The following FAM222A variants were observed in gnomAD, a reference collection of about 807,000 sequenced individuals.
FAM222A encodes the protein family with sequence similarity 222 member A.
Under a neutral mutation model 25.8 loss-of-function variants are expected in FAM222A, and 7 were observed. The ratio of observed to expected loss-of-function variants is 0.27; its 90% CI spans 0.15 to 0.51. The LOEUF (loss-of-function observed/expected upper bound fraction) is 0.51. FAM222A is among the 20% of genes least tolerant of loss of function. The pLI, the probability that FAM222A is intolerant of heterozygous loss-of-function variation, is 0.97. For missense variants in FAM222A, 573 were observed against 640.5 expected, an observed-to-expected ratio of 0.89 and a Z score of 1.14; for synonymous variants, 294 against 298.8, an observed-to-expected ratio of 0.98 and a Z score of 0.17.
intron 1 of FAM222A, among the ~76,000 whole-genome samples, chr12:109,717,506 G>A (rs1004847811): frequency 6.6e-6 from 1 of 152,186 alleles, no homozygotes; most frequent in East Asian, 1.9e-4. Context: ...GGACAAATAG[G>A]AATGTGCCAG....
intron 2 of FAM222A, among the ~76,000 whole-genome samples, chr12:109,757,772 G>A (rs996384687): frequency 8.6e-5 from 13 of 151,968 alleles, no homozygotes; most frequent in African/African-American, 2.7e-4. Flanking sequence ...GGGAGGGGGC[G>A]GGACGGGTAG....
intron 1 of FAM222A, 68 bp from the exon 2 acceptor site, chr12:109,744,033 G>A (rs1169350561): frequency 6.8e-7 from 1 of 1,468,866 alleles, no homozygotes. Context: ...GAGACTCCCG[G>A]GGGGAATGGT....
In FAM222A at chr12:109,770,417, CATTAT is replaced by C. The variant is rs1344900339; in HGVS notation, c.*1133_*1137del. 6.6e-6 allele frequency: 1 copy of C among 152,550 alleles called. No individual in the cohort carries two copies. Among genetic ancestry groups the C allele is most frequent in the African/African-American group, 2.4e-5 (1 of 41,430 alleles). The allele number at this position is 152,550 out of a possible 1,614,324, so 9.4% of individuals were successfully genotyped here. The stretch of plus-strand genomic sequence containing the variant: ...ATGTTTTTTTTATACTAAAATTGAC[CATTAT>C]ATTCTACTGTGAGAAGTGCAGTCTG... On this transcript the variant is annotated 3_prime_UTR_variant, in exon 3 of 3. Coordinates refer to ENST00000538780, the MANE Select transcript of FAM222A (RefSeq NM_032829.3).
intron 1 of FAM222A, among the ~76,000 whole-genome samples, chr12:109,725,906 G>A (rs911476911): frequency 6.6e-6 from 1 of 151,874 alleles, no homozygotes; most frequent in African/African-American, 2.4e-5. Context: ...CCGGGCGCCC[G>A]GATGGTGCGC....
chr12:109,769,631 C>A lies in FAM222A; in HGVS notation c.*343C>A. The A allele has an allele frequency of 3.1e-6, 1 of 319,180 alleles. No homozygotes were observed. The highest frequency in any genetic ancestry group is 4.8e-5 in the South Asian group (1 of 21,012). The allele number at this position is 319,180 out of a possible 1,614,324, so 19.8% of individuals were successfully genotyped here. A position where few individuals can be genotyped will look rare whatever the true frequency, so the allele number is the denominator to read the frequency against. ...CTTTCTGGGCCTCCTGGGACAGGGG[C>A]CCAGGCCAAGGTGGGGTGCAGGAGG... On this transcript the variant is annotated 3_prime_UTR_variant, in exon 3 of 3. Coordinates refer to ENST00000538780, the MANE Select transcript of FAM222A (RefSeq NM_032829.3).
At chr12:109,759,400 TCCCTCTGGCA>T (rs1888825644) in intron 2 of FAM222A, among the ~76,000 whole-genome samples, 1 of 152,018 alleles carries the variant, frequency 6.6e-6, no homozygotes, top group Non-Finnish European at 1.5e-5. Flanking sequence ...TGCTCCATGG[TCCCTCTGGCA>T]CATCCCCAAC....
chr12:109,729,391 C>G (rs1379213456), intron 1 of FAM222A, among the ~76,000 whole-genome samples: 3 of 152,180 alleles, frequency 2.0e-5, no homozygotes, highest in Non-Finnish European at 4.4e-5. Flanking sequence ...CCTTCCCCAT[C>G]CCCGGCCAGC....
At chr12:109,731,591 T>A (rs906764932) in intron 1 of FAM222A, among the ~76,000 whole-genome samples, 2 of 152,094 alleles carry the variant, frequency 1.3e-5, no homozygotes, top group African/African-American at 2.4e-5. Flanking sequence ...TGCCCAGACC[T>A]CCTGCAGGAG....
intron 2 of FAM222A, among the ~76,000 whole-genome samples, chr12:109,751,501 A>T (rs1300590374): frequency 2.0e-5 from 3 of 152,196 alleles, no homozygotes; most frequent in Non-Finnish European, 4.4e-5. Context: ...GGAGGAAATG[A>T]GTTTTTCCCA....
intron 1 of FAM222A, among the ~76,000 whole-genome samples, chr12:109,724,428 G>A (rs1240158502): frequency 6.6e-6 from 1 of 152,230 alleles, no homozygotes. Context: ...GGCTGACCAG[G>A]CCTCACAGAC....
Position 109,744,220 on chromosome 12 carries a change from T to A in FAM222A, c.74T>A (p.Leu25Gln). The change falls in exon 2 of 3, where the codon CTG becomes CAG. Residue 25 changes from leucine to glutamine, a missense_variant. Coordinates refer to ENST00000538780, the MANE Select transcript of FAM222A (RefSeq NM_032829.3). ...HLACPSKSLE[L>Q]RKCEAVASAM... The stretch of plus-strand genomic sequence containing the variant: ...GCCTGCCCGAGCAAGAGCCTGGAGC[T>A]GCGCAAGTGTGAGTAGGACGCCTCC... 6.2e-7 allele frequency: 1 copy of A among 1,612,944 alleles called. No homozygotes were observed. The highest frequency in any genetic ancestry group is 8.5e-7 in the Non-Finnish European group (1 of 1,179,910).
rs185302215 is a variant in FAM222A, at chr12:109,769,782, G to C, written c.*494G>C. On this transcript the variant is annotated 3_prime_UTR_variant, in exon 3 of 3. Transcript: ENST00000538780. ...TACAGGAGGCCGATAGGAAGTCACT[G>C]GGCCCAAAGTGTCTCCCCACCAGCC... is the stretch of plus-strand genomic sequence containing the variant. The C allele has an allele frequency of 9.1e-5, 15 of 163,940 alleles. No individual in the cohort carries two copies. The highest frequency in any genetic ancestry group is 3.1e-4 in the African/African-American group (13 of 41,604). 10.2% of individuals were successfully genotyped at this position (163,940 alleles called of 1,614,324 possible).
intron 1 of FAM222A, among the ~76,000 whole-genome samples, chr12:109,726,511 C>T (rs7136742): frequency 0.025 from 3,819 of 152,296 alleles, 127 homozygotes; most frequent in African/African-American, 0.069. Context: ...ACCATCCTCC[C>T]GCACCCACCC....
intron 2 of FAM222A, among the ~76,000 whole-genome samples, chr12:109,746,996 AAATGCTCCAATGAGCATTTCC>A (rs1211811628): frequency 6.6e-6 from 1 of 152,234 alleles, no homozygotes; most frequent in African/African-American, 2.4e-5. Context: ...ACAAAATCTG[AAATGCTCCAATGAGCATTTCC>A]TTTGAATGAC....
intron 1 of FAM222A, among the ~76,000 whole-genome samples, chr12:109,736,961 C>T (rs1487162837): frequency 2.0e-5 from 3 of 152,120 alleles, no homozygotes; most frequent in Admixed American, 6.5e-5. Flanking sequence ...GTTCAGGAGA[C>T]GTTTTCCTGA....
chr12:109,736,854 G>A (rs1888101133), intron 1 of FAM222A, among the ~76,000 whole-genome samples: 3 of 152,116 alleles, frequency 2.0e-5, no homozygotes, highest in Admixed American at 6.5e-5. Context: ...CCCAGGAATG[G>A]CCACCTACCC....
intron 2 of FAM222A, among the ~76,000 whole-genome samples, chr12:109,760,607 C>T (rs1888864440): frequency 8.1e-6 from 1 of 123,766 alleles, no homozygotes; most frequent in Non-Finnish European, 1.9e-5. Context: ...AGGACACACC[C>T]TCCCTGCCCA....
intron 1 of FAM222A, among the ~76,000 whole-genome samples, chr12:109,742,627 T>G (rs1888277541): frequency 6.6e-6 from 1 of 151,058 alleles, no homozygotes. Context: ...TTTTTTTTCT[T>G]GAGACAGTAA....
intron 1 of FAM222A, among the ~76,000 whole-genome samples, chr12:109,717,411 C>T (rs1887664962): frequency 6.6e-6 from 1 of 152,198 alleles, no homozygotes; most frequent in Non-Finnish European, 1.5e-5. Flanking sequence ...GTAGATGGAG[C>T]AAGGGCAAAC....
Sources: allele counts gnomAD v4.1 joint callset (sites outside exome capture counted in the v4.1 genomes callset), GRCh38; gene constraint gnomAD v4.1.1; transcripts MANE v1.5; gene names NCBI Gene and HGNC (gene_info 2026-07-23, HGNC 2026-07-21).